The following ZNF695 variants were observed in gnomAD, a reference collection of about 807,000 sequenced individuals.
ZNF695 encodes the protein zinc finger protein 695.
In ZNF695, 11 loss-of-function variants were observed where a neutral mutation model predicts 11.2. The ratio of observed to expected loss-of-function variants is 0.98; its 90% CI spans 0.62 to 1.62. The LOEUF (loss-of-function observed/expected upper bound fraction) is 1.62, where lower values mean the gene tolerates loss of function less well. Ranked by LOEUF, ZNF695 falls within the 40% of genes most tolerant of loss-of-function variation. ZNF695 has a pLI of 0.00. For missense variants in ZNF695, 559 were observed against 590.5 expected (o/e 0.95, Z 0.55); for synonymous variants, 190 against 201.4 (o/e 0.94, Z 0.48).
At chr1:246,984,930 A>G (rs1036204050), downstream of ZNF695, among the ~76,000 whole-genome samples, 2 of 152,242 alleles carry the variant, frequency 1.3e-5, no homozygotes, top group African/African-American at 4.8e-5. Flanking sequence ...TGAGCAACAT[A>G]AAAGTAAAAA....
intron 1 of ZNF695, 124 bp from the exon 2 acceptor site, chr1:247,000,198 T>C: frequency 1.2e-6 from 1 of 847,946 alleles, no homozygotes; most frequent in African/African-American, 1.8e-5. Flanking sequence ...TCAAATAAGA[T>C]AATTTTTAAC....
chr1:246,977,863 T>C (rs1668609020), intron 4 of ZNF695, among the ~76,000 whole-genome samples: 1 of 152,204 alleles, frequency 6.6e-6, no homozygotes, highest in South Asian at 2.1e-4. Flanking sequence ...GGTCTACACC[T>C]GGTCATTGTG....
chr1:247,007,519 G>A (rs1669576036), intron 1 of ZNF695, among the ~76,000 whole-genome samples: 1 of 148,788 alleles, frequency 6.7e-6, no homozygotes, highest in Non-Finnish European at 1.5e-5. Flanking sequence ...AAAAAAAGAG[G>A]AGAAAGGAAC....
chr1:246,995,315 T>C (rs1669167928), intron 3 of ZNF695, among the ~76,000 whole-genome samples: 1 of 152,088 alleles, frequency 6.6e-6, no homozygotes, highest in Admixed American at 6.5e-5. Context: ...CAACACACAC[T>C]TGAGCATGTT....
chr1:246,998,108 A>G (rs1309990101), intron 3 of ZNF695, among the ~76,000 whole-genome samples: 1 of 152,264 alleles, frequency 6.6e-6, no homozygotes, highest in African/African-American at 2.4e-5. Context: ...TCATTTCACT[A>G]GATACAGATA....
In ZNF695 at chr1:246,999,449, T is replaced by G; in HGVS notation, c.167-9A>C. ...CTTAGACATAGCAAGACCTGTTTTATTAGAAAAAAGGTGCATGATTCTTGC... is the reference window on the plus strand; with the variant it reads ...CTTAGACATAGCAAGACCTGTTTTAGTAGAAAAAAGGTGCATGATTCTTGC... On this transcript the variant is annotated splice_polypyrimidine_tract_variant and intron_variant, in intron 2 of 3. Transcript: ENST00000339986. The G allele has an allele frequency of 6.2e-7, 1 of 1,610,454 alleles. No homozygotes were observed. The highest frequency in any genetic ancestry group is 8.5e-7 in the Non-Finnish European group (1 of 1,177,462).
At chr1:247,000,270 G>A (rs1669325482) in intron 1 of ZNF695, among the ~76,000 whole-genome samples, 196 bp from the exon 2 acceptor site, 1 of 152,192 alleles carries the variant, frequency 6.6e-6, no homozygotes, top group Non-Finnish European at 1.5e-5. Flanking sequence ...ACTTTGGGAG[G>A]CCGAGGCAGG....
intron 5 of ZNF695, among the ~76,000 whole-genome samples, chr1:246,954,665 T>A (rs897187783): frequency 6.6e-6 from 1 of 152,192 alleles, no homozygotes; most frequent in Admixed American, 6.6e-5. Context: ...TGTAAAATGA[T>A]CACTGATCAG....
intron 4 of ZNF695, among the ~76,000 whole-genome samples, chr1:246,978,220 A>C (rs140051324): frequency 2.6e-5 from 4 of 152,348 alleles, no homozygotes; most frequent in South Asian, 4.1e-4. Flanking sequence ...AAAAACCCTC[A>C]AATTCAGAAT....
At chr1:246,948,600 A>C (rs371589387) in intron 5 of ZNF695, among the ~76,000 whole-genome samples, 2 of 152,206 alleles carry the variant, frequency 1.3e-5, no homozygotes, top group South Asian at 4.1e-4. Context: ...AAATTGGAAA[A>C]TAATACTAAC....
chr1:246,988,148 G>T lies in ZNF695; in HGVS notation c.367C>A (p.Arg123Ser). Residue 123 changes from arginine (R) to serine (S), a missense_variant, in exon 4 of 4, where the codon CGC (arginine) becomes AGC (serine). Physicochemically the swap from Arg to Ser is moderately radical, Grantham distance 110 (BLOSUM62 -1). Coordinates refer to ENST00000339986, the MANE Select transcript of ZNF695 (RefSeq NM_020394.5). ...ACAATTTCCCAGTCATTCCTTAAGC[G>T]TAATTTCTCAAGACAACATCTTTCA... ...RYERCCLEKL[R>S]LRNDWEIVGE... 6.2e-7 allele frequency: 1 copy of T among 1,613,538 alleles called. No homozygotes were observed. The highest frequency in any genetic ancestry group is 8.5e-7 in the Non-Finnish European group (1 of 1,179,758).
At chr1:246,962,168 TGAA>T (rs1668178655) in intron 5 of ZNF695, among the ~76,000 whole-genome samples, 1 of 152,220 alleles carries the variant, frequency 6.6e-6, no homozygotes, top group African/African-American at 2.4e-5. Context: ...TCTTTCCTAA[TGAA>T]GGAGAGGCTG....
chr1:246,991,622 T>C (rs1669035690), intron 3 of ZNF695, among the ~76,000 whole-genome samples: 1 of 152,066 alleles, frequency 6.6e-6, no homozygotes, highest in Non-Finnish European at 1.5e-5. Context: ...AGCCAGGCAA[T>C]AACAAATGCT....
chr1:246,987,658 T>A lies in ZNF695; in HGVS notation c.857A>T (p.His286Leu), dbSNP rs561269967. The change falls in exon 4 of 4, where the codon CAT becomes CTT. Residue 286 changes from histidine to leucine, a missense_variant. Coordinates refer to ENST00000339986, the MANE Select transcript of ZNF695 (RefSeq NM_020394.5). The part of the protein sequence containing the change: ...AFNLCSVLTK[H>L]KKIHTGEKPY... The stretch of plus-strand genomic sequence containing the variant: ...TTTCTCTCCAGTATGAATTTTCTTA[T>A]GTTTAGTAAGAACTGAGCACAGGTT... 43 of 1,601,774 alleles carry A rather than the reference T, an allele frequency of 2.7e-5. No individual in the cohort carries two copies. The highest frequency in any genetic ancestry group is 3.6e-5 in the Non-Finnish European group (42 of 1,175,674).
chr1:246,958,879 C>T (rs1308277960), intron 5 of ZNF695, among the ~76,000 whole-genome samples: 5 of 152,070 alleles, frequency 3.3e-5, no homozygotes, highest in African/African-American at 4.8e-5. Context: ...TTTAAGAAAG[C>T]GAGTGCCACT....
Position 246,986,082 on chromosome 1 carries a change from A to T in ZNF695, c.*885T>A. ...ACTTTATTATTATGTTGTTATTATT[A>T]TTATTGAGAAAGGGTCTTGCTCTGT... On this transcript the variant is annotated 3_prime_UTR_variant, in exon 4 of 4. Transcript: ENST00000339986. 1 of 970,028 alleles carries T rather than the reference A, an allele frequency of 1.0e-6. No individual in the cohort carries two copies. The highest frequency in any genetic ancestry group is 1.2e-6 in the Non-Finnish European group (1 of 815,974). 60.1% of individuals were successfully genotyped at this position (970,028 alleles called of 1,614,324 possible). A position where few individuals can be genotyped will look rare whatever the true frequency, so the allele number is the denominator to read the frequency against.
chr1:247,000,851 C>T (rs2103032225), intron 1 of ZNF695, among the ~76,000 whole-genome samples: 1 of 152,294 alleles, frequency 6.6e-6, no homozygotes, highest in East Asian at 1.9e-4. Context: ...ACCACACAAA[C>T]AAGTCTACAT....
intron 1 of ZNF695, among the ~76,000 whole-genome samples, chr1:247,002,115 A>G (rs902244731): frequency 1.2e-4 from 19 of 152,204 alleles, no homozygotes; most frequent in African/African-American, 4.3e-4. Flanking sequence ...AATTAAAAAA[A>G]AAACTGTTAT....
chr1:246,999,235 C>T (rs1355652923), intron 3 of ZNF695, 113 bp downstream of exon 3: 2 of 778,082 alleles, frequency 2.6e-6, no homozygotes, highest in Admixed American at 2.4e-5. Context: ...GAAACCCAGG[C>T]TTCTCAGAAG....
Sources: allele counts gnomAD v4.1 joint callset (sites outside exome capture counted in the v4.1 genomes callset), GRCh38; gene constraint gnomAD v4.1.1; transcripts MANE v1.5; gene names NCBI Gene and HGNC (gene_info 2026-07-23, HGNC 2026-07-21).